The following ARHGAP44 variants were observed in gnomAD, a reference collection of about 807,000 sequenced individuals.
The protein encoded by ARHGAP44 is rho GTPase-activating protein 44.
ARHGAP44 carries 43 observed loss-of-function variants against 106.8 expected under a neutral mutation model. That is an observed-to-expected ratio of 0.40 (90% CI 0.32 to 0.52). The LOEUF is 0.52. Ranked by LOEUF, ARHGAP44 falls within the 20% of genes least tolerant of loss-of-function variation. The probability of loss-of-function intolerance (pLI) is 0.48; values close to 1 mark genes in which losing one functional copy is unlikely to be tolerated. For missense variants in ARHGAP44, 866 were observed against 1,050.5 expected (o/e 0.82, Z 2.43); for synonymous variants, 439 against 410.3 (o/e 1.07, Z -0.85).
intron 1 of ARHGAP44, among the ~76,000 whole-genome samples, chr17:12,796,892 A>T (rs1399748679): frequency 6.6e-6 from 1 of 152,060 alleles, no homozygotes; most frequent in African/African-American, 2.4e-5. Flanking sequence ...GGTGTAAGCC[A>T]CTGCGCCTGG....
intron 3 of ARHGAP44, among the ~76,000 whole-genome samples, chr17:12,903,120 GAGAGA>G (rs2037433031): frequency 1.2e-5 from 1 of 80,302 alleles, no homozygotes. Context: ...GAGAGAGAGA[GAGAGA>G]GGAGAGAGAG....
intron 6 of ARHGAP44, among the ~76,000 whole-genome samples, chr17:12,925,253 C>T (rs1436012543): frequency 1.3e-5 from 2 of 152,250 alleles, no homozygotes; most frequent in South Asian, 2.1e-4. Flanking sequence ...TTCCATGACT[C>T]GTCAGTTGGG....
chr17:12,989,962 T>G, intron 20 of ARHGAP44, 70 bp from the exon 21 acceptor site: 1 of 1,571,732 alleles, frequency 6.4e-7, no homozygotes, highest in Non-Finnish European at 8.7e-7. Context: ...CTGACATTAT[T>G]TGCCTACAAC....
In ARHGAP44 at chr17:12,949,186, A is replaced by G; in HGVS notation, c.908A>G (p.Lys303Arg). Residue 303 changes from lysine (K) to arginine (R), a missense_variant, in exon 11 of 21, where the codon AAA becomes AGA. Lys to Arg is a conservative substitution (Grantham distance 26). Transcript: ENST00000379672. The surrounding 1 kb of genome is among the most constrained non-coding windows in gnomAD (Gnocchi z 4.1). ...TCTGCCTCCAAACTGAAGAAGCTGAAAGCGGCCCTGGACTGCTGCGTGGTG... is the reference window on the plus strand; with the variant it reads ...TCTGCCTCCAAACTGAAGAAGCTGAGAGCGGCCCTGGACTGCTGCGTGGTG... ...APSASKLKKL[K>R]AALDCCVVDV... 6.3e-7 allele frequency: 1 copy of G among 1,583,146 alleles called. No homozygotes were observed. Among genetic ancestry groups the G allele is most frequent in the Non-Finnish European group, 8.6e-7 (1 of 1,164,764 alleles).
At chr17:12,913,786 G>A (rs964298228) in intron 4 of ARHGAP44, among the ~76,000 whole-genome samples, 78 of 145,168 alleles carry the variant, frequency 5.4e-4, no homozygotes, top group African/African-American at 1.8e-3. Flanking sequence ...TGGCCAACAT[G>A]GTGAAACCCT....
chr17:12,805,942 C>T (rs1483676387), intron 1 of ARHGAP44, among the ~76,000 whole-genome samples: 3 of 152,144 alleles, frequency 2.0e-5, no homozygotes, highest in Non-Finnish European at 4.4e-5. Flanking sequence ...ATTGATTAGC[C>T]ATTGCATGTG....
intron 1 of ARHGAP44, among the ~76,000 whole-genome samples, chr17:12,889,089 A>T (rs1426518464): frequency 6.6e-6 from 1 of 152,168 alleles, no homozygotes; most frequent in Admixed American, 6.5e-5. Flanking sequence ...AGACATGTTA[A>T]ACATAAATCT....
intron 19 of ARHGAP44, among the ~76,000 whole-genome samples, chr17:12,980,597 A>G (rs1320192949): frequency 3.3e-5 from 5 of 152,172 alleles, no homozygotes; most frequent in Non-Finnish European, 7.4e-5. Flanking sequence ...CCTTCCCCGC[A>G]GGGCAGCCTG....
intron 1 of ARHGAP44, among the ~76,000 whole-genome samples, chr17:12,873,846 G>C (rs1338296971): frequency 6.6e-6 from 1 of 152,146 alleles, no homozygotes; most frequent in Non-Finnish European, 1.5e-5. Flanking sequence ...GGAAGTTGCA[G>C]TGAGCCGAGA....
At chr17:12,950,230 C>T (rs1464655832) in intron 12 of ARHGAP44, among the ~76,000 whole-genome samples, 2 of 152,130 alleles carry the variant, frequency 1.3e-5, no homozygotes, top group African/African-American at 4.8e-5. Flanking sequence ...TTCCTCCTGG[C>T]CAGAAAAGTA....
intron 1 of ARHGAP44, among the ~76,000 whole-genome samples, chr17:12,794,689 A>G (rs1043085753): frequency 6.6e-6 from 1 of 152,086 alleles, no homozygotes; most frequent in African/African-American, 2.4e-5. Flanking sequence ...CTTGTTTTCT[A>G]TTCCTTGACT....
chr17:12,961,817 G>A (rs1231568101), intron 16 of ARHGAP44, among the ~76,000 whole-genome samples: 2 of 152,176 alleles, frequency 1.3e-5, no homozygotes, highest in Non-Finnish European at 2.9e-5. Flanking sequence ...GCATCTGTGC[G>A]TACGTTTTAA....
intron 7 of ARHGAP44, among the ~76,000 whole-genome samples, chr17:12,939,561 G>A (rs1056855482): frequency 1.2e-4 from 18 of 152,102 alleles, no homozygotes; most frequent in African/African-American, 4.3e-4. Flanking sequence ...CGCTTCCTGG[G>A]TTCACGCCAT....
At chr17:12,869,435 ATTTTTT>A (rs11294685) in intron 1 of ARHGAP44, among the ~76,000 whole-genome samples, 2 of 151,650 alleles carry the variant, frequency 1.3e-5, no homozygotes, top group Admixed American at 6.6e-5. Flanking sequence ...TCATTTTTAA[ATTTTTT>A]TTTTATTTTT....
At chr17:12,803,848 A>C (rs2034193486) in intron 1 of ARHGAP44, among the ~76,000 whole-genome samples, 1 of 152,164 alleles carries the variant, frequency 6.6e-6, no homozygotes, top group Non-Finnish European at 1.5e-5. Context: ...AATACTGCAT[A>C]CTATAAATTT....
intron 1 of ARHGAP44, among the ~76,000 whole-genome samples, chr17:12,863,068 G>A (rs1202459827): frequency 1.3e-5 from 2 of 151,342 alleles, no homozygotes; most frequent in Non-Finnish European, 2.9e-5. Context: ...CAGGAGGGTC[G>A]CTTGGGCCCA....
intron 20 of ARHGAP44, among the ~76,000 whole-genome samples, chr17:12,989,123 A>C (rs1451796057): frequency 1.1e-4 from 16 of 148,224 alleles, no homozygotes; most frequent in African/African-American, 1.5e-4. Flanking sequence ...AAAAAAAAAA[A>C]AACTAAGCAG....
In ARHGAP44 at chr17:12,800,823, G is replaced by A. The variant is rs58435301; in HGVS notation, c.53+10932G>A. Among the ~76,000 whole-genome samples the A allele has an allele frequency of 4.8e-3, 737 of 152,300 alleles. 32 individuals are homozygous for A. The East Asian group carries it at 0.088, about 18-fold the overall frequency. The stretch of plus-strand genomic sequence containing the variant: ...CTAAGTAGGTCAGTCGTAGGCAAAT[G>A]CCTCTCCTGCTTCTCTCCCCCTAAT... On this transcript the variant is annotated intron_variant, in intron 1 of 20. Coordinates refer to ENST00000379672, the MANE Select transcript of ARHGAP44 (RefSeq NM_014859.6).
chr17:12,987,267 C>A, intron 20 of ARHGAP44: 1 of 916,402 alleles, frequency 1.1e-6, no homozygotes, highest in Non-Finnish European at 1.6e-6. Context: ...ATGGCAGCTT[C>A]ACTCTCCAGC....
Sources: allele counts gnomAD v4.1 joint callset (sites outside exome capture counted in the v4.1 genomes callset), GRCh38; gene constraint gnomAD v4.1.1; non-coding constraint Gnocchi (gnomAD v3.1); transcripts MANE v1.5; gene names NCBI Gene and HGNC (gene_info 2026-07-23, HGNC 2026-07-21).